Variants in ROCK1 observed in about 807,000 individuals in gnomAD.
ROCK1 encodes the protein rho-associated protein kinase 1.
ROCK1 carries 36 observed loss-of-function variants against 196.8 expected under a neutral mutation model. That is an observed-to-expected ratio of 0.18 (90% CI 0.14 to 0.24). The LOEUF (loss-of-function observed/expected upper bound fraction) is 0.24, where lower values mean the gene tolerates loss of function less well. Ranked by LOEUF, ROCK1 falls within the 10% of genes least tolerant of loss-of-function variation. The probability of loss-of-function intolerance (pLI) is 1.00; values close to 1 mark genes in which losing one functional copy is unlikely to be tolerated. For synonymous variants in ROCK1, 443 were observed against 515.9 expected (o/e 0.86, Z 1.91); for missense variants, 920 against 1,562.0 (o/e 0.59, Z 6.93).
intron 22 of ROCK1, among the ~76,000 whole-genome samples, chr18:20,971,104 G>A (rs1598512584): frequency 6.6e-6 from 1 of 152,128 alleles, no homozygotes; most frequent in South Asian, 2.1e-4. Flanking sequence ...CTGACATTCA[G>A]ACCAAGACAA....
intron 1 of ROCK1, among the ~76,000 whole-genome samples, chr18:21,079,807 AG>A (rs1287683074): frequency 6.6e-6 from 1 of 152,220 alleles, no homozygotes; most frequent in Non-Finnish European, 1.5e-5. Flanking sequence ...AGGGGACCTC[AG>A]TCCATTTGCC....
intron 5 of ROCK1, 119 bp from the exon 6 acceptor site, chr18:21,044,305 G>A: frequency 5.1e-6 from 3 of 593,258 alleles, no homozygotes; most frequent in South Asian, 2.6e-5. Context: ...TCTTTGATCT[G>A]TATGTGTTCT....
At chr18:20,968,688 A>G (rs1288584018) in intron 25 of ROCK1, 84 bp downstream of exon 25, 9 of 793,318 alleles carry the variant, frequency 1.1e-5, no homozygotes, top group Non-Finnish European at 1.1e-5. Context: ...TGAACCTTAT[A>G]AGCCTTGGTT....
Position 21,105,557 on chromosome 18 carries a change from A to AT in ROCK1, c.93+5260dup, listed in dbSNP as rs1466712975. Among the ~76,000 whole-genome samples, 4 of 152,346 alleles carry AT rather than the reference A, an allele frequency of 2.6e-5. No individual in the cohort carries two copies. The East Asian group carries it at 7.7e-4, about 29-fold the overall frequency. ...AGGGGATTAGACAGCAATAATCCAG[A>AT]TTCGAAAATGCTACCCAAAATCTGC... On this transcript the variant is annotated intron_variant, in intron 1 of 32. Coordinates refer to ENST00000399799, the MANE Select transcript of ROCK1 (RefSeq NM_005406.3).
chr18:20,971,665 AAAATAAAT>A (rs56208525), intron 22 of ROCK1, among the ~76,000 whole-genome samples: 69,291 of 137,404 alleles, frequency 0.5, 18,254 homozygotes, highest in South Asian at 0.62. Flanking sequence ...CTCCGTCTCA[AAAATAAAT>A]AAATAAATAA....
chr18:20,969,736 G>A (rs1485242116), intron 23 of ROCK1, among the ~76,000 whole-genome samples: 1 of 152,042 alleles, frequency 6.6e-6, no homozygotes, highest in African/African-American at 2.4e-5. Flanking sequence ...TTTTATAGAT[G>A]AGAAATCTGA....
At chr18:21,017,906 G>A (rs2035878011) in intron 12 of ROCK1, among the ~76,000 whole-genome samples, 1 of 151,608 alleles carries the variant, frequency 6.6e-6, no homozygotes, top group Non-Finnish European at 1.5e-5. Context: ...CCGGGAGGTG[G>A]AGCTTGCAGT....
intron 2 of ROCK1, among the ~76,000 whole-genome samples, chr18:21,069,318 T>C (rs754481135): frequency 9.2e-5 from 14 of 152,148 alleles, no homozygotes; most frequent in Non-Finnish European, 1.3e-4. Context: ...TCATGATTTT[T>C]ACCTACTGCT....
chr18:21,011,198 C>T (rs1391095071), intron 13 of ROCK1, among the ~76,000 whole-genome samples: 1 of 151,916 alleles, frequency 6.6e-6, no homozygotes, highest in Admixed American at 6.6e-5. Context: ...TTAAGTCTGC[C>T]GTTTTTGTTT....
chr18:20,970,441 C>T lies in ROCK1; in HGVS notation c.2727G>A (p.Leu909=). ...AESEQLARGL[L]EEQYFELTQE... ...GCGTCAATTCAAAATACTGTTCTTC[C>T]AGAAGGCCTCGCGCCAACTGCTCAG... Residue 909 remains leucine, a synonymous_variant, in exon 23 of 33, where the codon CTG becomes CTA. Coordinates refer to ENST00000399799, the MANE Select transcript of ROCK1 (RefSeq NM_005406.3). The T allele has an allele frequency of 6.2e-7, 1 of 1,613,934 alleles. No homozygotes were observed. Among genetic ancestry groups the T allele is most frequent in the South Asian group, 1.1e-5 (1 of 91,072 alleles).
intron 2 of ROCK1, among the ~76,000 whole-genome samples, chr18:21,057,719 G>T (rs757873530): frequency 4.6e-5 from 7 of 152,114 alleles, no homozygotes; most frequent in Non-Finnish European, 7.4e-5. Context: ...TAATCAGGAG[G>T]CTGAGGCATA....
chr18:20,969,077 T>G (rs2035401412), intron 24 of ROCK1, 38 bp downstream of exon 24: 1 of 1,309,172 alleles, frequency 7.6e-7, no homozygotes, highest in South Asian at 1.2e-5. Flanking sequence ...ATCACTGAAT[T>G]TGATTTAACA....
chr18:20,998,954 T>A (rs2035697310), intron 16 of ROCK1, among the ~76,000 whole-genome samples: 1 of 152,092 alleles, frequency 6.6e-6, no homozygotes, highest in South Asian at 2.1e-4. Flanking sequence ...CTACTCAAAC[T>A]ATTTCAAAGA....
At chr18:21,082,639 T>TA (rs1408097480) in intron 1 of ROCK1, among the ~76,000 whole-genome samples, 3 of 152,116 alleles carry the variant, frequency 2.0e-5, no homozygotes, top group East Asian at 3.9e-4. Flanking sequence ...CCTCTCATAA[T>TA]AAAAAACAAT....
intron 19 of ROCK1, among the ~76,000 whole-genome samples, chr18:20,984,890 G>A (rs1259711460): frequency 6.6e-6 from 1 of 152,008 alleles, no homozygotes; most frequent in African/African-American, 2.4e-5. Context: ...GAGGCAGGTG[G>A]ATTGCTTGAA....
intron 1 of ROCK1, among the ~76,000 whole-genome samples, chr18:21,071,181 CTTTT>C (rs11344426): frequency 2.8e-4 from 25 of 90,364 alleles, no homozygotes; most frequent in African/African-American, 9.3e-4. Flanking sequence ...ATTTTTTCTG[CTTTT>C]TTTTTTTTTT....
At chr18:21,005,049 T>C (rs2035757081) in intron 16 of ROCK1, among the ~76,000 whole-genome samples, 1 of 152,164 alleles carries the variant, frequency 6.6e-6, no homozygotes, top group East Asian at 1.9e-4. Context: ...AAAGAACTCC[T>C]CCCTCCAATT....
chr18:20,948,865 T>A lies in ROCK1; in HGVS notation c.*2519A>T, dbSNP rs1179702801. ...CCTTTTCTGAGGCAGTGTGCAGACA[T>A]GAGGTTCTTAAGTGGCAAGAGGAAT... On this transcript the variant is annotated 3_prime_UTR_variant, in exon 33 of 33. Transcript: ENST00000399799. The A allele has an allele frequency of 6.6e-6, 1 of 151,846 alleles. No individual in the cohort carries two copies. Among genetic ancestry groups the A allele is most frequent in the East Asian group, 1.9e-4 (1 of 5,168 alleles). 9.4% of individuals were successfully genotyped at this position (151,846 alleles called of 1,614,324 possible). A position where few individuals can be genotyped will look rare whatever the true frequency, so the allele number is the denominator to read the frequency against.
intron 13 of ROCK1, among the ~76,000 whole-genome samples, chr18:21,009,166 C>A (rs1256696553): frequency 8.2e-6 from 1 of 122,026 alleles, no homozygotes. Flanking sequence ...TTGAGACAGG[C>A]TTTTTTTTTT....
Sources: allele counts gnomAD v4.1 joint callset (sites outside exome capture counted in the v4.1 genomes callset), GRCh38; gene constraint gnomAD v4.1.1; transcripts MANE v1.5; gene names NCBI Gene and HGNC (gene_info 2026-07-23, HGNC 2026-07-21).